Variants in LYPD1 observed in about 807,000 individuals in gnomAD.
LYPD1 encodes ly6/PLAUR domain-containing protein 1.
LYPD1 carries 14 observed loss-of-function variants against 14.2 expected under a neutral mutation model. The ratio of observed to expected loss-of-function variants is 0.99; its 90% CI spans 0.65 to 1.54. The LOEUF (loss-of-function observed/expected upper bound fraction) is 1.54, where lower values mean the gene tolerates loss of function less well. Among genes scored for constraint, LYPD1 ranks in the 40% most tolerant of loss-of-function variants. The probability of loss-of-function intolerance (pLI) is 0.00; values close to 1 mark genes in which losing one functional copy is unlikely to be tolerated. For synonymous variants in LYPD1, 85 were observed against 70.6 expected (o/e 1.20, Z -1.02); for missense variants, 165 against 175.7 (o/e 0.94, Z 0.34).
rs2104889359 is a variant in LYPD1, at chr2:132,646,120, A to C, written c.351T>G (p.Ser117=). ...GGAGCCCTGGCCTGAGGGCCGAGGC[A>C]GAACTTCCCCTTTTCTTGGGCCTTG... The part of the protein sequence containing the change: ...NGPRPKKRGS[S]ASALRPGLRT... The change falls in exon 3 of 3, where the codon TCT becomes TCG. Residue 117 remains serine, a synonymous_variant. Coordinates refer to ENST00000397463, the MANE Select transcript of LYPD1 (RefSeq NM_144586.7). 6.2e-7 allele frequency: 1 copy of C among 1,610,258 alleles called. No homozygotes were observed. The highest frequency in any genetic ancestry group is 1.3e-5 in the African/African-American group (1 of 74,938).
intron 2 of LYPD1, among the ~76,000 whole-genome samples, chr2:132,647,058 A>G (rs535931446): frequency 6.6e-6 from 1 of 152,238 alleles, no homozygotes; most frequent in Non-Finnish European, 1.5e-5. Context: ...CTTAATCATA[A>G]GGTGGAAGTT....
rs1683490464 is a variant in LYPD1 at position 132,669,352 on chromosome 2, T to A, written c.52+529A>T. Reference sequence around the variant, plus strand: ...AGAGGACGCGAGACCTTTGCGCCTCTGGACGCTTCGGCCTGGCTGTTCTCG... The same window carrying A: ...AGAGGACGCGAGACCTTTGCGCCTCAGGACGCTTCGGCCTGGCTGTTCTCG... On this transcript the variant is annotated intron_variant, in intron 1 of 2. Coordinates refer to ENST00000397463, the MANE Select transcript of LYPD1 (RefSeq NM_144586.7). This position sits in a 1 kb window ranked among gnomAD's most constrained non-coding sequence, Gnocchi z 4.3. Among the ~76,000 whole-genome samples, 4 of 151,662 alleles carry A rather than the reference T, an allele frequency of 2.6e-5. No homozygotes were observed. In the South Asian group the frequency reaches 8.3e-4, roughly 32 times the overall value.
intron 2 of LYPD1, among the ~76,000 whole-genome samples, chr2:132,655,861 C>T (rs1328024186): frequency 6.6e-6 from 1 of 152,110 alleles, no homozygotes; most frequent in Non-Finnish European, 1.5e-5. Flanking sequence ...GCCCCTGGAC[C>T]TTGAGGATCA....
In LYPD1 at chr2:132,648,991, G is replaced by A. The variant is rs538020919; in HGVS notation, c.191-2711C>T. Among the ~76,000 whole-genome samples the A allele has an allele frequency of 1.1e-4, 16 of 152,292 alleles. No homozygotes were observed. The South Asian group carries it at 2.1e-3, about 20-fold the overall frequency. The stretch of plus-strand genomic sequence containing the variant: ...AAAATCTAAGTCTGGAAACTGGCAC[G>A]AGAGATGCTTTGGGTGAGATTGGAT... On this transcript the variant is annotated intron_variant, in intron 2 of 2. Coordinates refer to ENST00000397463, the MANE Select transcript of LYPD1 (RefSeq NM_144586.7).
chr2:132,645,329 G>A lies in LYPD1; in HGVS notation c.*716C>T. On this transcript the variant is annotated 3_prime_UTR_variant, in exon 3 of 3. Coordinates refer to ENST00000397463, the MANE Select transcript of LYPD1 (RefSeq NM_144586.7). ...GTGTTCGTGCAGGTGCTGTGCTGCC[G>A]CCTGTCGCTGCAGCACGCCAACCAC... 2 of 1,614,118 alleles carry A rather than the reference G, an allele frequency of 1.2e-6. No homozygotes were observed. The highest frequency in any genetic ancestry group is 2.2e-5 in the South Asian group (2 of 91,072).
Position 132,645,807 on chromosome 2 carries a change from G to T in LYPD1, c.*238C>A. 1.3e-6 allele frequency: 1 copy of T among 745,472 alleles called. No individual in the cohort carries two copies. Among genetic ancestry groups the T allele is most frequent in the Admixed American group, 3.1e-5 (1 of 32,346 alleles). 46.2% of individuals were successfully genotyped at this position (745,472 alleles called of 1,614,324 possible). On this transcript the variant is annotated 3_prime_UTR_variant, in exon 3 of 3. Transcript: ENST00000397463. ...TTGACTCCGGTTACACAGACATGGG[G>T]GTGAACTTTCACTCCACCTCCTTCC... is the stretch of plus-strand genomic sequence containing the variant.
At chr2:132,659,567 C>A (rs757576019) in intron 2 of LYPD1, among the ~76,000 whole-genome samples, 2 of 152,222 alleles carry the variant, frequency 1.3e-5, no homozygotes, top group Non-Finnish European at 2.9e-5. Flanking sequence ...TGGATCTTAA[C>A]TCACTCTTAT....
In LYPD1 at chr2:132,644,782, C is replaced by A; in HGVS notation, c.*1263G>T. On this transcript the variant is annotated 3_prime_UTR_variant, in exon 3 of 3. Coordinates refer to ENST00000397463, the MANE Select transcript of LYPD1 (RefSeq NM_144586.7). ...CCAGATTTATGGATAACATGAACTGCTTTCTGGATACGCAAACAAACACCA... is the reference window on the plus strand; with the variant it reads ...CCAGATTTATGGATAACATGAACTGATTTCTGGATACGCAAACAAACACCA... 1 of 301,466 alleles carries A rather than the reference C, an allele frequency of 3.3e-6. No homozygotes were observed. The highest frequency in any genetic ancestry group is 6.1e-6 in the Non-Finnish European group (1 of 163,876). The allele number at this position is 301,466 out of a possible 1,614,324, so 18.7% of individuals were successfully genotyped here.
chr2:132,661,584 GT>G (rs1161100029), intron 2 of LYPD1, among the ~76,000 whole-genome samples: 1 of 152,178 alleles, frequency 6.6e-6, no homozygotes, highest in African/African-American at 2.4e-5. Context: ...AAAAGTGGAA[GT>G]GGTATGGATG....
chr2:132,664,065 A>G (rs1377551232), intron 2 of LYPD1, among the ~76,000 whole-genome samples: 1 of 152,016 alleles, frequency 6.6e-6, no homozygotes, highest in Admixed American at 6.5e-5. Flanking sequence ...GTGTGCACAT[A>G]TGTGTGCGCA....
At chr2:132,658,505 C>T (rs750401575) in intron 2 of LYPD1, among the ~76,000 whole-genome samples, 2 of 152,106 alleles carry the variant, frequency 1.3e-5, no homozygotes, top group African/African-American at 2.4e-5. Context: ...CTTGGCCTTC[C>T]ACCTGAGGAT....
intron 2 of LYPD1, among the ~76,000 whole-genome samples, chr2:132,664,764 C>A (rs1319824054): frequency 2.0e-5 from 3 of 152,188 alleles, no homozygotes; most frequent in African/African-American, 7.2e-5. Context: ...ACTCTAATTA[C>A]AAGATTGCAC....
intron 2 of LYPD1, among the ~76,000 whole-genome samples, chr2:132,664,357 T>C (rs1006593704): frequency 2.0e-5 from 3 of 152,162 alleles, no homozygotes; most frequent in African/African-American, 7.2e-5. Context: ...ATCCCTTAGT[T>C]AGCTCATGAG....
At position 132,645,351 on chromosome 2, in the gene LYPD1, C is replaced by A; in HGVS notation, c.*694G>T. ...GCCGCCTGTCGCTGCAGCACGCCAACCACGAGAAGCGCCTGCGCGTACATG... is the reference window on the plus strand; with the variant it reads ...GCCGCCTGTCGCTGCAGCACGCCAAACACGAGAAGCGCCTGCGCGTACATG... On this transcript the variant is annotated 3_prime_UTR_variant, in exon 3 of 3. Transcript: ENST00000397463. 6.2e-7 allele frequency: 1 copy of A among 1,614,150 alleles called. No individual in the cohort carries two copies. The highest frequency in any genetic ancestry group is 8.5e-7 in the Non-Finnish European group (1 of 1,180,044).
intron 2 of LYPD1, among the ~76,000 whole-genome samples, chr2:132,661,294 C>A (rs1323107626): frequency 6.6e-6 from 1 of 152,176 alleles, no homozygotes; most frequent in Non-Finnish European, 1.5e-5. Flanking sequence ...AATGGACAGT[C>A]CAGTACATGG....
intron 2 of LYPD1, among the ~76,000 whole-genome samples, chr2:132,658,718 TC>T (rs1682745675): frequency 6.6e-6 from 1 of 151,408 alleles, no homozygotes; most frequent in Non-Finnish European, 1.5e-5. Context: ...AGTATATCCC[TC>T]AGCTGAAAGT....
At chr2:132,664,542 C>T (rs949630088) in intron 2 of LYPD1, among the ~76,000 whole-genome samples, 5 of 152,198 alleles carry the variant, frequency 3.3e-5, no homozygotes, top group African/African-American at 1.2e-4. Context: ...TAGATTAATG[C>T]ATGTTGCAAA....
rs755951263 is a variant in LYPD1, at chr2:132,670,015, G to C, written c.-83C>G. 6.3e-6 allele frequency: 10 copies of C among 1,577,340 alleles called. No individual in the cohort carries two copies. The highest frequency in any genetic ancestry group is 8.6e-6 in the Non-Finnish European group (10 of 1,168,748). ...GGAGGCTGCCCCGGCTGCAGCGGCTGTGGCTGCCGAGGCTGCTGGGGCCCG... is the reference window on the plus strand; with the variant it reads ...GGAGGCTGCCCCGGCTGCAGCGGCTCTGGCTGCCGAGGCTGCTGGGGCCCG... On this transcript the variant is annotated 5_prime_UTR_variant, in exon 1 of 3. Coordinates refer to ENST00000397463, the MANE Select transcript of LYPD1 (RefSeq NM_144586.7). This position sits in a 1 kb window ranked among gnomAD's most constrained non-coding sequence, Gnocchi z 4.5.
chr2:132,667,452 C>T (rs755478441), intron 2 of LYPD1, among the ~76,000 whole-genome samples: 6 of 152,124 alleles, frequency 3.9e-5, no homozygotes, highest in Admixed American at 1.3e-4. Flanking sequence ...GATTTGCCAG[C>T]GGGTAAAGGG....
Sources: gnomAD v4.1 joint callset for allele counts (sites outside exome capture counted in the v4.1 genomes callset) on GRCh38, gnomAD v4.1.1 for gene constraint, Gnocchi (gnomAD v3.1) non-coding constraint, MANE v1.5 for transcripts, NCBI Gene and HGNC (gene_info 2026-07-23, HGNC 2026-07-21) for gene names.